The following OPCML variants were observed in gnomAD, a reference collection of about 807,000 sequenced individuals.
The protein encoded by OPCML is opioid binding protein/cell adhesion molecule like.
In OPCML, 13 loss-of-function variants were observed where a neutral mutation model predicts 37.8. The ratio of observed to expected loss-of-function variants is 0.34; its 90% confidence interval spans 0.22 to 0.55. The LOEUF is 0.55. Among genes scored for constraint, OPCML ranks in the 20% least tolerant of loss-of-function variants. The pLI, the probability that OPCML is intolerant of heterozygous loss-of-function variation, is 0.91. For missense variants in OPCML, 341 were observed against 435.6 expected, an observed-to-expected ratio of 0.78 and a Z score of 1.93; for synonymous variants, 176 against 168.8, an observed-to-expected ratio of 1.04 and a Z score of -0.33.
At position 132,420,647 on chromosome 11, in the gene OPCML, G is replaced by T. The variant is rs550264899; in HGVS notation, c.917-354C>A. On this transcript the variant is annotated intron_variant, in intron 7 of 7. Coordinates refer to ENST00000524381, the MANE Select transcript of OPCML (RefSeq NM_001012393.5). ...TCTAACTGTGTGCTATACTTGGAGA[G>T]TGTCCAGTACAGACAATGATGAGTC... 1.2e-4 allele frequency among the ~76,000 whole-genome samples: 18 copies of T among 152,334 alleles called. 1 individual carries two copies. In the South Asian group the frequency reaches 3.7e-3, roughly 32 times the overall value.
At chr11:133,335,855 G>A (rs1943734850) in intron 1 of OPCML, among the ~76,000 whole-genome samples, 1 of 152,042 alleles carries the variant, frequency 6.6e-6, no homozygotes, top group African/African-American at 2.4e-5. Context: ...GCTGGTTGTA[G>A]GAGTTGTTCA....
chr11:132,917,553 C>A (rs1314268118), intron 2 of OPCML, among the ~76,000 whole-genome samples: 1 of 152,142 alleles, frequency 6.6e-6, no homozygotes, highest in Non-Finnish European at 1.5e-5. Flanking sequence ...GATGCTTCTT[C>A]CTGGGAATTG....
intron 1 of OPCML, among the ~76,000 whole-genome samples, chr11:132,994,799 C>T (rs894156041): frequency 3.9e-5 from 6 of 152,192 alleles, no homozygotes; most frequent in Non-Finnish European, 8.8e-5. Context: ...ACAATGCGGA[C>T]ATATAATCAA....
At chr11:132,856,463 T>A (rs2136344571) in intron 2 of OPCML, among the ~76,000 whole-genome samples, 1 of 152,264 alleles carries the variant, frequency 6.6e-6, no homozygotes, top group South Asian at 2.1e-4. Context: ...GTGATGGTCA[T>A]GCAGTTGTTA....
chr11:132,834,554 T>C (rs1177527321), intron 2 of OPCML, among the ~76,000 whole-genome samples: 1 of 152,176 alleles, frequency 6.6e-6, no homozygotes, highest in Non-Finnish European at 1.5e-5. Context: ...CAGGCCTTCT[T>C]TGGCCTGCGG....
At chr11:132,532,979 T>C (rs1164480687) in intron 3 of OPCML, among the ~76,000 whole-genome samples, 1 of 152,238 alleles carries the variant, frequency 6.6e-6, no homozygotes, top group East Asian at 1.9e-4. Flanking sequence ...TTTTGGCAGA[T>C]CTTTGTTTAA....
chr11:132,425,523 T>C (rs900700389), intron 7 of OPCML, among the ~76,000 whole-genome samples: 10 of 152,206 alleles, frequency 6.6e-5, no homozygotes, highest in African/African-American at 1.9e-4. Context: ...CCTTGCAGGA[T>C]TGCTCTGAGA....
chr11:132,440,248 T>C (rs1215709137), intron 4 of OPCML, among the ~76,000 whole-genome samples: 2 of 152,110 alleles, frequency 1.3e-5, no homozygotes, highest in East Asian at 3.9e-4. Flanking sequence ...ATCGTTATAA[T>C]ACTACCTCAT....
At chr11:133,373,807 C>T (rs920078759) in intron 1 of OPCML, among the ~76,000 whole-genome samples, 2 of 152,050 alleles carry the variant, frequency 1.3e-5, no homozygotes, top group Non-Finnish European at 2.9e-5. Flanking sequence ...ATGTTATGGT[C>T]ATCTTTCCAT....
intron 4 of OPCML, among the ~76,000 whole-genome samples, chr11:132,509,566 G>T (rs2096264405): frequency 1.3e-5 from 2 of 152,170 alleles, no homozygotes; most frequent in African/African-American, 2.4e-5. Context: ...CTAGGGACTT[G>T]GTGCCCTGTG....
Position 132,454,417 on chromosome 11 carries a change from C to G in OPCML, c.506-17058G>C, listed in dbSNP as rs187238393. Among the ~76,000 whole-genome samples the G allele has an allele frequency of 1.8e-3, 270 of 152,304 alleles. 1 individual carries two copies. Among genetic ancestry groups the G allele is most frequent in the African/African-American group, 6.2e-3 (257 of 41,570 alleles). On this transcript the variant is annotated intron_variant, in intron 4 of 7. Coordinates refer to ENST00000524381, the MANE Select transcript of OPCML (RefSeq NM_001012393.5). ...AGGACCGATGCTCAGTGAGCCAGAG[C>G]CCACTCTTCCGAGGTCAGGCTTCAG...
At chr11:132,454,048 C>A (rs1203632220) in intron 4 of OPCML, among the ~76,000 whole-genome samples, 2 of 152,178 alleles carry the variant, frequency 1.3e-5, no homozygotes, top group African/African-American at 4.8e-5. Flanking sequence ...ATATGATTAG[C>A]AAGGGAAGAT....
intron 3 of OPCML, among the ~76,000 whole-genome samples, chr11:132,654,394 A>C (rs1285793163): frequency 6.6e-6 from 1 of 152,170 alleles, no homozygotes; most frequent in Non-Finnish European, 1.5e-5. Context: ...CTCCTCCCCA[A>C]GAGAAGATCC....
chr11:132,992,700 C>A (rs1480409278), intron 1 of OPCML, among the ~76,000 whole-genome samples: 2 of 151,992 alleles, frequency 1.3e-5, no homozygotes, highest in South Asian at 2.1e-4. Context: ...CTAGAGGAAA[C>A]GTGGAGGTTA....
intron 1 of OPCML, among the ~76,000 whole-genome samples, chr11:132,986,587 G>C (rs1202316507): frequency 1.3e-5 from 2 of 152,072 alleles, no homozygotes; most frequent in Non-Finnish European, 2.9e-5. Context: ...AAACAGTTTT[G>C]AATGAAATCA....
intron 1 of OPCML, among the ~76,000 whole-genome samples, chr11:133,152,873 T>C (rs73023525): frequency 0.12 from 14,824 of 122,306 alleles, 822 homozygotes; most frequent in South Asian, 0.14. Flanking sequence ...AGTCAGGTTA[T>C]CCTTTTTTTT....
At chr11:132,443,447 CA>C (rs2096043519) in intron 4 of OPCML, among the ~76,000 whole-genome samples, 4 of 152,164 alleles carry the variant, frequency 2.6e-5, no homozygotes, top group Admixed American at 1.3e-4. Flanking sequence ...TGCTGCCCAG[CA>C]AGAGAGACTA....
At position 132,460,106 on chromosome 11, in the gene OPCML, G is replaced by A. The variant is rs182766289; in HGVS notation, c.506-22747C>T. ...GAAAACATTGTACTTTGTGCTTTGGGCATACTGCTATTTCATCTCACAGAA... is the reference window on the plus strand; with the variant it reads ...GAAAACATTGTACTTTGTGCTTTGGACATACTGCTATTTCATCTCACAGAA... On this transcript the variant is annotated intron_variant, in intron 4 of 7. Transcript: ENST00000524381. Among the ~76,000 whole-genome samples the A allele has an allele frequency of 1.6e-4, 24 of 152,260 alleles. No individual in the cohort carries two copies. The East Asian group carries it at 4.6e-3, about 29-fold the overall frequency.
intron 2 of OPCML, among the ~76,000 whole-genome samples, chr11:132,793,159 G>A (rs969037123): frequency 6.6e-6 from 1 of 152,150 alleles, no homozygotes; most frequent in African/African-American, 2.4e-5. Context: ...GACCGATGGG[G>A]ATCTGCTGCC....
Sources: gnomAD v4.1 joint callset for allele counts (sites outside exome capture counted in the v4.1 genomes callset) on GRCh38, gnomAD v4.1.1 for gene constraint, MANE v1.5 for transcripts, NCBI Gene and HGNC (gene_info 2026-07-23, HGNC 2026-07-21) for gene names.